CREB5: variants seen among roughly 807,000 people sequenced by gnomAD.
The protein encoded by CREB5 is cAMP responsive element binding protein 5.
Under a neutral mutation model 57.1 loss-of-function variants are expected in CREB5, and 19 were observed. The observed-to-expected ratio is 0.33, with a 90% CI of 0.23 to 0.49. CREB5 has a LOEUF of 0.49. Among genes scored for constraint, CREB5 ranks in the 20% least tolerant of loss-of-function variants. CREB5 has a pLI of 0.99. For synonymous variants in CREB5, 238 were observed against 238.3 expected, an observed-to-expected ratio of 1.00 and a Z score of 0.01; for missense variants, 579 against 671.6, an observed-to-expected ratio of 0.86 and a Z score of 1.52.
At chr7:28,732,993 T>G (rs574747248) in intron 7 of CREB5, among the ~76,000 whole-genome samples, 1 of 152,192 alleles carries the variant, frequency 6.6e-6, no homozygotes, top group African/African-American at 2.4e-5. Context: ...ATTGCTGTAG[T>G]GTGAATAAGA....
intron 4 of CREB5, among the ~76,000 whole-genome samples, chr7:28,560,527 T>C (rs1795041707): frequency 6.6e-6 from 1 of 152,062 alleles, no homozygotes; most frequent in Non-Finnish European, 1.5e-5. Flanking sequence ...CTAAAAGGAT[T>C]GGAAGCCAGG....
At chr7:28,532,399 C>G (rs145136245) in intron 4 of CREB5, among the ~76,000 whole-genome samples, 1 of 152,188 alleles carries the variant, frequency 6.6e-6, no homozygotes, top group Non-Finnish European at 1.5e-5. Context: ...TTTTAAGCCA[C>G]GAAATTTTGT....
chr7:28,751,071 G>A (rs1351991038), intron 7 of CREB5, among the ~76,000 whole-genome samples: 1 of 151,970 alleles, frequency 6.6e-6, no homozygotes, highest in Non-Finnish European at 1.5e-5. Flanking sequence ...AGATTCTCTA[G>A]GCTTCTTCCA....
chr7:28,599,334 A>G lies in CREB5; in HGVS notation c.464+28797A>G, dbSNP rs111714816. ...TATTTGGGATTTTCTTCCTGAAATA[A>G]TGCTAATTATAAAAGATGGGAAAAT... On this transcript the variant is annotated intron_variant, in intron 5 of 10. Transcript: ENST00000357727. Among the ~76,000 whole-genome samples, 503 of 152,324 alleles carry G rather than the reference A, an allele frequency of 3.3e-3. 1 individual carries two copies. The highest frequency in any genetic ancestry group is 0.011 in the African/African-American group (471 of 41,590).
At chr7:28,797,657 T>C (rs1808125813) in intron 7 of CREB5, among the ~76,000 whole-genome samples, 1 of 152,224 alleles carries the variant, frequency 6.6e-6, no homozygotes, top group African/African-American at 2.4e-5. Flanking sequence ...GTTAATCCCA[T>C]GCACAGCACG....
At chr7:28,348,369 TTCTC>T (rs1219520376) in intron 1 of CREB5, among the ~76,000 whole-genome samples, 2 of 123,220 alleles carry the variant, frequency 1.6e-5, no homozygotes, top group African/African-American at 3.1e-5. Context: ...TGCGCCTGCT[TTCTC>T]TCTCTCTCTG....
At chr7:28,418,465 T>C (rs1788106794) in intron 1 of CREB5, among the ~76,000 whole-genome samples, 1 of 152,182 alleles carries the variant, frequency 6.6e-6, no homozygotes, top group Admixed American at 6.5e-5. Context: ...CTCTTGTGAC[T>C]TCATGCTGCA....
chr7:28,756,592 C>T (rs1247672905), intron 7 of CREB5, among the ~76,000 whole-genome samples: 1 of 151,504 alleles, frequency 6.6e-6, no homozygotes, highest in Non-Finnish European at 1.5e-5. Context: ...GTCTAAGTAG[C>T]CCTTGCATTT....
chr7:28,812,746 C>T (rs1216328177), intron 9 of CREB5, among the ~76,000 whole-genome samples: 2 of 152,174 alleles, frequency 1.3e-5, no homozygotes, highest in African/African-American at 2.4e-5. Flanking sequence ...GATTCCGCTA[C>T]CTTTGAATGA....
intron 4 of CREB5, among the ~76,000 whole-genome samples, chr7:28,538,422 T>A (rs1466392084): frequency 6.6e-6 from 1 of 152,230 alleles, no homozygotes; most frequent in Non-Finnish European, 1.5e-5. Flanking sequence ...TTAAAGTCTT[T>A]ATCTTTTGGT....
intron 7 of CREB5, among the ~76,000 whole-genome samples, chr7:28,795,925 T>C (rs1808013177): frequency 6.6e-6 from 1 of 152,052 alleles, no homozygotes; most frequent in Non-Finnish European, 1.5e-5. Flanking sequence ...CGCTAATTTT[T>C]ATATTTTTAG....
chr7:28,335,638 T>C (rs1785809222), intron 1 of CREB5, among the ~76,000 whole-genome samples: 1 of 152,080 alleles, frequency 6.6e-6, no homozygotes, highest in Admixed American at 6.5e-5. Flanking sequence ...AATATTGTAT[T>C]ATTTGCAAAC....
intron 5 of CREB5, chr7:28,608,971 T>C (rs1797284445): frequency 6.6e-6 from 1 of 152,250 alleles, no homozygotes; most frequent in Admixed American, 6.5e-5. Flanking sequence ...TCATTCGTGA[T>C]CTATGACCTG....
Position 28,820,746 on chromosome 7 carries a change from G to C in CREB5, c.*1467G>C, listed in dbSNP as rs746783080. ...CGCCTCCTGAGTAGCTGGGACCACA[G>C]GTTCACATAACCATGCCTGGCTAAT... is the stretch of plus-strand genomic sequence containing the variant. On this transcript the variant is annotated 3_prime_UTR_variant, in exon 11 of 11. Transcript: ENST00000357727. 1.3e-5 allele frequency: 2 copies of C among 152,104 alleles called. No individual in the cohort carries two copies. Among genetic ancestry groups the C allele is most frequent in the Non-Finnish European group, 2.9e-5 (2 of 68,010 alleles). The allele number at this position is 152,104 out of a possible 1,614,324, so 9.4% of individuals were successfully genotyped here.
intron 7 of CREB5, among the ~76,000 whole-genome samples, chr7:28,789,901 G>A (rs1206252745): frequency 6.6e-6 from 1 of 152,164 alleles, no homozygotes; most frequent in Non-Finnish European, 1.5e-5. Flanking sequence ...TTAAGAGAAT[G>A]AGAATATGCC....
At chr7:28,686,065 G>A (rs1800881485) in intron 5 of CREB5, 1 of 1,495,954 alleles carries the variant, frequency 6.7e-7, no homozygotes, top group Non-Finnish European at 9.2e-7. Flanking sequence ...TCATCGCTTG[G>A]CCTGGAATCA....
rs79241653 is a variant in CREB5, at chr7:28,746,398, C to G, written c.702+22066C>G. ...CCAGCTAAATTTTAATAATCTAAGG[C>G]CTTGCTGCTCAAAGTGGGGTCCCTT... On this transcript the variant is annotated intron_variant, in intron 7 of 10. Coordinates refer to ENST00000357727, the MANE Select transcript of CREB5 (RefSeq NM_182898.4). Among the ~76,000 whole-genome samples, 1,510 of 152,272 alleles carry G rather than the reference C, an allele frequency of 9.9e-3. 34 individuals are homozygous for G. The highest frequency in any genetic ancestry group is 0.034 in the African/African-American group (1,432 of 41,560).
chr7:28,709,959 G>A (rs146288681), intron 5 of CREB5, among the ~76,000 whole-genome samples: 337 of 152,296 alleles, frequency 2.2e-3, no homozygotes, highest in African/African-American at 7.3e-3. Context: ...TCTAAAGTAC[G>A]ACCTTATTGC....
Position 28,488,273 on chromosome 7 carries a change from G to A in CREB5, c.75+27G>A, listed in dbSNP as rs1583527106. ...TGAGTGTGCGGATCCTCCCTGCTCTGACATGCAGGGCCTGCTTTCCGAAAG... is the reference window on the plus strand; with the variant it reads ...TGAGTGTGCGGATCCTCCCTGCTCTAACATGCAGGGCCTGCTTTCCGAAAG... On this transcript the variant is annotated intron_variant, in intron 2 of 10. Coordinates refer to ENST00000357727, the MANE Select transcript of CREB5 (RefSeq NM_182898.4). The A allele has an allele frequency of 5.6e-6, 9 of 1,601,322 alleles. No individual in the cohort carries two copies. In the East Asian group the frequency reaches 2.0e-4, roughly 36 times the overall value.
Sources: allele counts gnomAD v4.1 joint callset (sites outside exome capture counted in the v4.1 genomes callset), GRCh38; gene constraint gnomAD v4.1.1; transcripts MANE v1.5; gene names NCBI Gene and HGNC (gene_info 2026-07-23, HGNC 2026-07-21).